The following MAN2B2 variants were observed in gnomAD, a reference collection of about 807,000 sequenced individuals.
MAN2B2 encodes the protein mannosidase alpha class 2B member 2.
MAN2B2 carries 106 observed loss-of-function variants against 117.1 expected under a neutral mutation model. The ratio of observed to expected loss-of-function variants is 0.90; its 90% confidence interval spans 0.77 to 1.06. The LOEUF is 1.06. MAN2B2 is among the 50% of genes least tolerant of loss of function. The pLI, the probability that MAN2B2 is intolerant of heterozygous loss-of-function variation, is 0.00. For missense variants in MAN2B2, 1,326 were observed against 1,381.4 expected, an observed-to-expected ratio of 0.96 and a Z score of 0.64; for synonymous variants, 544 against 595.1, an observed-to-expected ratio of 0.91 and a Z score of 1.25.
At position 6,621,273 on chromosome 4, in the gene MAN2B2, T is replaced by G. The variant is rs369773345; in HGVS notation, c.3018T>G (p.Phe1006Leu). ...PKEIRTFFIH[F>L]QQQ ...AAATCCGGACGTTCTTTATTCACTT[T>G]CAACAGCAGTGAGCCCTGGGCAGAT... is the stretch of plus-strand genomic sequence containing the variant. The change falls in exon 19 of 19, where the codon TTT (phenylalanine) becomes TTG (leucine). Residue 1006 changes from phenylalanine (F) to leucine (L), a missense_variant. Transcript: ENST00000285599. 1 of 1,613,806 alleles carries G rather than the reference T, an allele frequency of 6.2e-7. No homozygotes were observed. The highest frequency in any genetic ancestry group is 1.3e-5 in the African/African-American group (1 of 74,916).
At position 6,609,860 on chromosome 4, in the gene MAN2B2, GC is replaced by G; in HGVS notation, c.2071del (p.His691MetfsTer10). 1 of 1,614,110 alleles carries G rather than the reference GC, an allele frequency of 6.2e-7. No homozygotes were observed. The highest frequency in any genetic ancestry group is 8.5e-7 in the Non-Finnish European group (1 of 1,180,032). On this transcript the variant is annotated frameshift_variant, in exon 13 of 19. Coordinates refer to ENST00000285599, the MANE Select transcript of MAN2B2 (RefSeq NM_015274.3). LOFTEE classifies it high-confidence loss of function. ...TCCCGGCTCACCCATGTGCCGCAGGGCCATGACGGGGAGCTGCTCTGCCACC... is the reference window on the plus strand; with the variant it reads ...TCCCGGCTCACCCATGTGCCGCAGGGCATGACGGGGAGCTGCTCTGCCACC... ...IRSRLTHVPQ[G>X]HDGELLCHRI...
Position 6,609,308 on chromosome 4 carries a change from C to A in MAN2B2, c.2006+10C>A. ...GGCAGTACTTCTACAGGTGCTTCCC[C>A]TGGGGTGACCCCCACAGCCCGGCAC... On this transcript the variant is annotated intron_variant, in intron 12 of 18. Coordinates refer to ENST00000285599, the MANE Select transcript of MAN2B2 (RefSeq NM_015274.3). The A allele has an allele frequency of 6.2e-7, 1 of 1,611,090 alleles. No homozygotes were observed. The highest frequency in any genetic ancestry group is 1.1e-5 in the South Asian group (1 of 90,828).
chr4:6,597,053 G>A, intron 7 of MAN2B2, 60 bp from the exon 8 acceptor site: 1 of 1,511,518 alleles, frequency 6.6e-7, no homozygotes. Context: ...TCCAGGGCTG[G>A]AGCTTAGCAG....
chr4:6,603,810 A>G (rs1429256043), intron 10 of MAN2B2, among the ~76,000 whole-genome samples: 1 of 151,888 alleles, frequency 6.6e-6, no homozygotes, highest in Non-Finnish European at 1.5e-5. Flanking sequence ...CATTTTAAAT[A>G]GGTGGGCCAG....
chr4:6,613,957 G>C (rs150635575), intron 15 of MAN2B2, among the ~76,000 whole-genome samples: 2 of 152,126 alleles, frequency 1.3e-5, no homozygotes, highest in African/African-American at 4.8e-5. Context: ...CTCTTTCCTC[G>C]TCTCTACTTT....
intron 14 of MAN2B2, 44 bp from the exon 15 acceptor site, chr4:6,611,042 T>C: frequency 6.2e-7 from 1 of 1,612,228 alleles, no homozygotes; most frequent in South Asian, 1.1e-5. Flanking sequence ...CCTACAGGCA[T>C]GCCCAGGTGC....
chr4:6,598,048 TC>T, intron 8 of MAN2B2, 149 bp from the exon 9 acceptor site: 1 of 807,672 alleles, frequency 1.2e-6, no homozygotes, highest in Non-Finnish European at 1.9e-6. Context: ...TGGCCTCAGT[TC>T]CTCCTTCTGT....
intron 10 of MAN2B2, among the ~76,000 whole-genome samples, chr4:6,603,948 G>A (rs1439328246): frequency 2.0e-5 from 3 of 152,200 alleles, no homozygotes; most frequent in South Asian, 2.1e-4. Flanking sequence ...AACTGAGGGG[G>A]CACAGTGCCC....
chr4:6,581,970 G>A (rs1464193817), intron 3 of MAN2B2, among the ~76,000 whole-genome samples: 1 of 152,092 alleles, frequency 6.6e-6, no homozygotes, highest in Non-Finnish European at 1.5e-5. Flanking sequence ...GCCCCCGGGG[G>A]TAAGAGCTTT....
intron 3 of MAN2B2, 45 bp downstream of exon 3, chr4:6,578,543 G>T (rs779248632): frequency 3.3e-6 from 5 of 1,526,232 alleles, no homozygotes; most frequent in Non-Finnish European, 4.5e-6. Context: ...AGGACCTCCA[G>T]TGGGGCTGGG....
At chr4:6,579,215 A>C (rs1726271478) in intron 3 of MAN2B2, among the ~76,000 whole-genome samples, 2 of 101,026 alleles carry the variant, frequency 2.0e-5, no homozygotes, top group African/African-American at 7.2e-5. Flanking sequence ...CACCATCACC[A>C]CCACCACCAC....
In MAN2B2 at chr4:6,609,981, C is replaced by A; in HGVS notation, c.2190C>A (p.Tyr730Ter). 6.2e-7 allele frequency: 1 copy of A among 1,614,200 alleles called. No individual in the cohort carries two copies. The highest frequency in any genetic ancestry group is 8.5e-7 in the Non-Finnish European group (1 of 1,180,028). ...ACCTAAACAGCCAGCAGGTCATCTA[C>A]TCAGACAACAACGGCTACCAGATGC... is the stretch of plus-strand genomic sequence containing the variant. The part of the protein sequence containing the change: ...STNLNSQQVI[Y>*]SDNNGYQMQR... Residue 730 changes from tyrosine to a stop codon, truncating the protein, a stop_gained, in exon 13 of 19, where the codon TAC becomes TAA. Coordinates refer to ENST00000285599, the MANE Select transcript of MAN2B2 (RefSeq NM_015274.3). LOFTEE classifies it high-confidence loss of function.
intron 5 of MAN2B2, among the ~76,000 whole-genome samples, chr4:6,589,709 A>G (rs1726783627): frequency 6.6e-6 from 1 of 152,220 alleles, no homozygotes; most frequent in African/African-American, 2.4e-5. Flanking sequence ...TAGGGGAGGC[A>G]GGATTTGACT....
chr4:6,607,375 T>G (rs1381563052), intron 11 of MAN2B2, among the ~76,000 whole-genome samples: 3 of 152,172 alleles, frequency 2.0e-5, no homozygotes, highest in African/African-American at 7.2e-5. Flanking sequence ...CCCAGCTAAT[T>G]TTTGTGTTTT....
At chr4:6,598,402 G>C (rs917217228) in intron 9 of MAN2B2, 48 bp downstream of exon 9, 2 of 1,579,792 alleles carry the variant, frequency 1.3e-6, no homozygotes, top group South Asian at 1.1e-5. Context: ...TGAAGGGAGA[G>C]CCTGAGGAGG....
chr4:6,583,355 A>G (rs1209752530), intron 3 of MAN2B2, among the ~76,000 whole-genome samples: 6 of 152,160 alleles, frequency 3.9e-5, no homozygotes, highest in Non-Finnish European at 8.8e-5. Context: ...GTTGCAAAGG[A>G]GGCTGGGGAA....
chr4:6,577,629 C>T (rs1726116190), intron 2 of MAN2B2, among the ~76,000 whole-genome samples: 1 of 152,234 alleles, frequency 6.6e-6, no homozygotes, highest in Non-Finnish European at 1.5e-5. Flanking sequence ...TTGTAAGCGG[C>T]AGGTGGGATT....
rs1054473659 is a variant in MAN2B2 at position 6,610,926 on chromosome 4, G to A, written c.2306G>A (p.Ser769Asn). ...TCGGCCTTCATGGAGGATGGCAAAA[G>A]CAGGCTTGTGTTGCTGTCGGAGCGG... is the stretch of plus-strand genomic sequence containing the variant. The part of the protein sequence containing the change: ...VQSAFMEDGK[S>N]RLVLLSERAH... Residue 769 changes from serine to asparagine, a missense_variant, in exon 14 of 19, where the codon AGC becomes AAC. By Grantham distance (46) the Ser-to-Asn change is conservative. Transcript: ENST00000285599. The A allele has an allele frequency of 2.5e-6, 4 of 1,614,214 alleles. No homozygotes were observed. In the Admixed American group the frequency reaches 6.7e-5, roughly 27 times the overall value.
chr4:6,598,626 A>AT (rs1185686646), intron 9 of MAN2B2, among the ~76,000 whole-genome samples: 1 of 152,220 alleles, frequency 6.6e-6, no homozygotes, highest in Non-Finnish European at 1.5e-5. Context: ...AATACCCTTC[A>AT]TGCAGTATTG....
Sources: gnomAD v4.1 joint callset for allele counts (sites outside exome capture counted in the v4.1 genomes callset) on GRCh38, gnomAD v4.1.1 for gene constraint, MANE v1.5 for transcripts, NCBI Gene and HGNC (gene_info 2026-07-23, HGNC 2026-07-21) for gene names.